Variants in MYH7 observed in about 807,000 individuals in gnomAD.
MYH7 encodes myosin heavy chain 7.
Under a neutral mutation model 225.4 loss-of-function variants are expected in MYH7, and 129 were observed. The observed-to-expected ratio is 0.57, with a 90% CI of 0.50 to 0.66. MYH7 has a LOEUF of 0.66. Among genes scored for constraint, MYH7 ranks in the 30% least tolerant of loss-of-function variants. The probability of loss-of-function intolerance (pLI) is 0.00; values close to 1 mark genes in which losing one functional copy is unlikely to be tolerated. For missense variants in MYH7, 1,649 were observed against 2,517.0 expected (o/e 0.66, Z 7.38); for synonymous variants, 971 against 1,007.6 (o/e 0.96, Z 0.69).
In MYH7 at chr14:23,425,375, C is replaced by G; in HGVS notation, c.2330G>C (p.Arg777Thr). Reference protein sequence around the residue: ...AGLLGLLEEMRDERLSRIITR... With the variant: ...AGLLGLLEEMTDERLSRIITR... ...GATGATGCGGCTCAGCCTCTCGTCC[C>G]TCATTTCCTCCAGCAGCCCCAGCAG... The change falls in exon 21 of 40, where the codon AGG becomes ACG. Residue 777 changes from arginine (R) to threonine (T), a missense_variant. Around this residue, in one of 12 missense-constraint regions of MYH7, gnomAD observed 41 missense variants for 124.8 expected, o/e 0.33. Transcript: ENST00000355349. This position sits in a 1 kb window ranked among gnomAD's most constrained non-coding sequence, Gnocchi z 4.6. The G allele has an allele frequency of 6.2e-7, 1 of 1,614,200 alleles. No homozygotes were observed. Among genetic ancestry groups the G allele is most frequent in the East Asian group, 2.2e-5 (1 of 44,880 alleles).
chr14:23,420,208 C>G lies in MYH7; in HGVS notation c.3363G>C (p.Glu1121Asp), dbSNP rs886041113. Reference sequence around the variant, plus strand: ...CCCTGGCGGTGCGCTCGGCCTCCAGCTCCTCCTCCAGCTCCTCGATGCGTG... The same window carrying G: ...CCCTGGCGGTGCGCTCGGCCTCCAGGTCCTCCTCCAGCTCCTCGATGCGTG... ...LQARIEELEE[E>D]LEAERTARAK... Residue 1121 changes from glutamate (E) to aspartate (D), a missense_variant, in exon 27 of 40, where the codon GAG (glutamate) becomes GAC (aspartate). By Grantham distance (45) the Glu-to-Asp change is conservative (BLOSUM62 2). Transcript: ENST00000355349. The G allele has an allele frequency of 3.1e-6, 5 of 1,609,014 alleles. No homozygotes were observed. The highest frequency in any genetic ancestry group is 4.2e-6 in the Non-Finnish European group (5 of 1,178,766).
rs1033543834 is a variant in MYH7 at position 23,416,988 on chromosome 14, C to T, written c.4524G>A (p.Glu1508=). 3 of 1,614,134 alleles carry T rather than the reference C, an allele frequency of 1.9e-6. No homozygotes were observed. Among genetic ancestry groups the T allele is most frequent in the African/African-American group, 2.7e-5 (2 of 74,938 alleles). The change falls in exon 33 of 40, where the codon GAG becomes GAA. Residue 1508 remains glutamate (E), a synonymous_variant. Transcript: ENST00000355349. ...CCAACTGCTCAGTCAAGTCGGAGAT[C>T]TCCTCTGTGTGGGGAACACGGTAAC... is the stretch of plus-strand genomic sequence containing the variant. ...FKRENKNLQE[E]ISDLTEQLGS...
chr14:23,414,168 C>T (rs950335881), intron 37 of MYH7, 66 bp from the exon 38 acceptor site: 3 of 1,417,080 alleles, frequency 2.1e-6, no homozygotes, highest in Admixed American at 3.4e-5. Flanking sequence ...TCCCCTCCGC[C>T]CTGCCCTGCT....
chr14:23,416,854 G>C lies in MYH7; in HGVS notation c.4644+14C>G, dbSNP rs1566524667. ...CTCAGCTCCCTGCACCCCGTGCCCT[G>C]CACACACACACACCTCGGCCTCCTC... On this transcript the variant is annotated intron_variant, in intron 33 of 39. Transcript: ENST00000355349. The C allele has an allele frequency of 6.2e-7, 1 of 1,610,508 alleles. No homozygotes were observed. Among genetic ancestry groups the C allele is most frequent in the South Asian group, 1.1e-5 (1 of 91,026 alleles).
chr14:23,425,243 C>T lies in MYH7; in HGVS notation c.2423+39G>A, dbSNP rs1014936909. 2 of 1,614,016 alleles carry T rather than the reference C, an allele frequency of 1.2e-6. No individual in the cohort carries two copies. Among genetic ancestry groups the T allele is most frequent in the East Asian group, 2.2e-5 (1 of 44,896 alleles). On this transcript the variant is annotated intron_variant, in intron 21 of 39. Coordinates refer to ENST00000355349, the MANE Select transcript of MYH7 (RefSeq NM_000257.4). The surrounding 1 kb of genome is among the most constrained non-coding windows in gnomAD (Gnocchi z 4.6). ...GACACTGCCCCTGAACCAGCCTGGGCCTCAGAGAAGCGGGAAACCTCCTCT... is the reference window on the plus strand; with the variant it reads ...GACACTGCCCCTGAACCAGCCTGGGTCTCAGAGAAGCGGGAAACCTCCTCT...
rs151113658 is a variant in MYH7 at position 23,416,046 on chromosome 14, G to C, written c.4911C>G (p.Ala1637=). 1.2e-6 allele frequency: 2 copies of C among 1,614,152 alleles called. No individual in the cohort carries two copies. The highest frequency in any genetic ancestry group is 1.3e-5 in the African/African-American group (1 of 75,036). Residue 1637 remains alanine (A), a synonymous_variant, in exon 34 of 40, where the codon GCC becomes GCG. Coordinates refer to ENST00000355349, the MANE Select transcript of MYH7 (RefSeq NM_000257.4). ...IQLSHANRMA[A]EAQKQVKSLQ... ...GGCTCTTGACTTGCTTCTGGGCCTCGGCGGCCATGCGGTTGGCGTGGCTGA... is the reference window on the plus strand; with the variant it reads ...GGCTCTTGACTTGCTTCTGGGCCTCCGCGGCCATGCGGTTGGCGTGGCTGA...
chr14:23,433,467 C>A lies in MYH7; in HGVS notation c.201+65G>T. The A allele has an allele frequency of 6.4e-7, 1 of 1,567,178 alleles. No individual in the cohort carries two copies. The highest frequency in any genetic ancestry group is 8.7e-7 in the Non-Finnish European group (1 of 1,142,986). On this transcript the variant is annotated intron_variant, in intron 3 of 39. Transcript: ENST00000355349. This position sits in a 1 kb window ranked among gnomAD's most constrained non-coding sequence, Gnocchi z 4.1. ...TGCATGGGCATGGGGCATGGGTGTA[C>A]CCCTCTCTGTCCACCCAGGTGTACA... is the stretch of plus-strand genomic sequence containing the variant.
In MYH7 at chr14:23,425,015, C is replaced by T. The variant is rs1234646629; in HGVS notation, c.2433G>A (p.Leu811=). 4 of 1,614,210 alleles carry T rather than the reference C, an allele frequency of 2.5e-6. No individual in the cohort carries two copies. The highest frequency in any genetic ancestry group is 4.5e-5 in the East Asian group (2 of 44,890). Residue 811 remains leucine (L), a synonymous_variant, in exon 22 of 40, where the codon CTG becomes CTA. Coordinates refer to ENST00000355349, the MANE Select transcript of MYH7 (RefSeq NM_000257.4). The surrounding 1 kb of genome is among the most constrained non-coding windows in gnomAD (Gnocchi z 4.6). Reference sequence around the variant, plus strand: ...CCCGAATGTTCCACTGGATTACCAGCAGGGAGTCTCTGCAGGGGCCCATTG... The same window carrying T: ...CCCGAATGTTCCACTGGATTACCAGTAGGGAGTCTCTGCAGGGGCCCATTG... ...YKKLLERRDS[L]LVIQWNIRAF...
At chr14:23,418,108 A>G in intron 30 of MYH7, 102 bp downstream of exon 30, 3 of 1,555,434 alleles carry the variant, frequency 1.9e-6, no homozygotes, top group Middle Eastern at 1.7e-4. Context: ...GTTGTCAAAC[A>G]CTAGCTAAGC....
chr14:23,416,277 C>T lies in MYH7; in HGVS notation c.4680G>A (p.Arg1560=), dbSNP rs771236158. Residue 1560 remains arginine (R), a synonymous_variant, in exon 34 of 40, where the codon CGG becomes CGA. Coordinates refer to ENST00000355349, the MANE Select transcript of MYH7 (RefSeq NM_000257.4). ...TGATCTGGTTGAACTCCAGCTGGGCCCGGAGGATCTTGCCCTCCTCGTGCT... is the reference window on the plus strand; with the variant it reads ...TGATCTGGTTGAACTCCAGCTGGGCTCGGAGGATCTTGCCCTCCTCGTGCT... ...SLEHEEGKIL[R]AQLEFNQIKA... is the part of the protein sequence containing the mutation. The T allele has an allele frequency of 1.2e-6, 2 of 1,613,000 alleles. No homozygotes were observed. Among genetic ancestry groups the T allele is most frequent in the Non-Finnish European group, 8.5e-7 (1 of 1,179,332 alleles).
chr14:23,419,881 G>A lies in MYH7; in HGVS notation c.3690C>T (p.Asp1230=), dbSNP rs370750044. Residue 1230 remains aspartate, a synonymous_variant, in exon 27 of 40, where the codon GAC becomes GAT. Coordinates refer to ENST00000355349, the MANE Select transcript of MYH7 (RefSeq NM_000257.4). ...EKSEFKLELD[D]VTSNMEQIIK... ...TGATCTGCTCCATGTTGGAGGTGAC[G>A]TCATCCAGCTCCAGCTTGAACTCGC... 2.8e-4 allele frequency: 456 copies of A among 1,613,584 alleles called. 3 individuals carry two copies. The highest frequency in any genetic ancestry group is 8.6e-5 in the Non-Finnish European group (101 of 1,179,802).
intron 1 of MYH7, among the ~76,000 whole-genome samples, chr14:23,435,317 T>C (rs1253983761): frequency 6.6e-6 from 1 of 151,794 alleles, no homozygotes; most frequent in East Asian, 1.9e-4. Context: ...TCTGTATCAG[T>C]CAGTGAGGTA....
intron 24 of MYH7, among the ~76,000 whole-genome samples, chr14:23,422,558 ATTCT>A (rs930176669): frequency 2.0e-5 from 3 of 148,074 alleles, no homozygotes; most frequent in African/African-American, 5.1e-5. Flanking sequence ...CCAAAGCCGT[ATTCT>A]TTCTTTCTTT....
intron 39 of MYH7, among the ~76,000 whole-genome samples, chr14:23,413,489 C>A (rs1414750469): frequency 6.6e-6 from 1 of 151,606 alleles, no homozygotes; most frequent in East Asian, 1.9e-4. Flanking sequence ...GGCAGGAGAA[C>A]CCAGGAGGCA....
In MYH7 at chr14:23,434,233, C is replaced by A; in HGVS notation, c.-48G>T. On this transcript the variant is annotated 5_prime_UTR_variant, in exon 2 of 40. Coordinates refer to ENST00000355349, the MANE Select transcript of MYH7 (RefSeq NM_000257.4). The stretch of plus-strand genomic sequence containing the variant: ...TGTGTCTACAGATGAGGAAAGGGGC[C>A]AAGGCCTGCAGGGGACCTGGAGAGA... The A allele has an allele frequency of 9.8e-7, 1 of 1,017,286 alleles. No homozygotes were observed. Among genetic ancestry groups the A allele is most frequent in the Middle Eastern group, 5.0e-4 (1 of 1,990 alleles). 63.0% of individuals were successfully genotyped at this position (1,017,286 alleles called of 1,614,324 possible).
chr14:23,424,118 C>T lies in MYH7; in HGVS notation c.2711G>A (p.Arg904His), dbSNP rs397516165. ...CTTGTTTTTGATCAGCTGATCACAGCGCTCCTCAGCATCTGCCAGGTTGTC... is the reference window on the plus strand; with the variant it reads ...CTTGTTTTTGATCAGCTGATCACAGTGCTCCTCAGCATCTGCCAGGTTGTC... The part of the protein sequence containing the change: ...EQDNLADAEE[R>H]CDQLIKNKIQ... The change falls in exon 23 of 40, where the codon CGC becomes CAC. Residue 904 changes from arginine to histidine, a missense_variant. Arg to His is a conservative substitution (Grantham distance 29). Around this residue, in one of 12 missense-constraint regions of MYH7, gnomAD observed 282 missense variants for 315.3 expected, o/e 0.89. Coordinates refer to ENST00000355349, the MANE Select transcript of MYH7 (RefSeq NM_000257.4). 6.2e-7 allele frequency: 1 copy of T among 1,614,180 alleles called. No homozygotes were observed. Among genetic ancestry groups the T allele is most frequent in the Non-Finnish European group, 8.5e-7 (1 of 1,180,048 alleles).
chr14:23,418,279 TC>T lies in MYH7; in HGVS notation c.4099del (p.Glu1367ArgfsTer62). 2.5e-6 allele frequency: 4 copies of T among 1,613,638 alleles called. No homozygotes were observed. The highest frequency in any genetic ancestry group is 3.4e-6 in the Non-Finnish European group (4 of 1,180,034). ...ATACTTGGTCCTCCACTGGGCCACC[TC>T]CGAGTTGGCCTTGGAAAGGACGCGC... ...LQRVLSKANS[E>X]VAQWRTKYET... On this transcript the variant is annotated frameshift_variant, in exon 30 of 40. Coordinates refer to ENST00000355349, the MANE Select transcript of MYH7 (RefSeq NM_000257.4). LOFTEE classifies it high-confidence loss of function.
At chr14:23,434,687 A>T (rs1362213214) in intron 1 of MYH7, among the ~76,000 whole-genome samples, 1 of 152,222 alleles carries the variant, frequency 6.6e-6, no homozygotes, top group East Asian at 1.9e-4. Context: ...CCAAGAGCCC[A>T]TGACAACAAG....
chr14:23,423,531 C>T lies in MYH7; in HGVS notation c.3099+16G>A. The T allele has an allele frequency of 6.2e-7, 1 of 1,613,336 alleles. No homozygotes were observed. Among genetic ancestry groups the T allele is most frequent in the East Asian group, 2.2e-5 (1 of 44,822 alleles). On this transcript the variant is annotated intron_variant, in intron 24 of 39. Coordinates refer to ENST00000355349, the MANE Select transcript of MYH7 (RefSeq NM_000257.4). ...GACATGGCATATCTAGGCCCCACAA[C>T]TCTCAATCTACTCACATCATCCACT...
Sources: gnomAD v4.1 joint callset for allele counts (sites outside exome capture counted in the v4.1 genomes callset) on GRCh38, gnomAD v4.1.1 for gene constraint, gnomAD v4.1.1 regional missense constraint, Gnocchi (gnomAD v3.1) non-coding constraint, MANE v1.5 for transcripts, NCBI Gene and HGNC (gene_info 2026-07-23, HGNC 2026-07-21) for gene names.